The following VWF variants were observed in gnomAD, a reference collection of about 807,000 sequenced individuals.
VWF encodes Factor VIII related antigen.
VWF carries 176 observed loss-of-function variants against 308.6 expected under a neutral mutation model. That is an observed-to-expected ratio of 0.57 (90% confidence interval 0.50 to 0.65). The LOEUF (loss-of-function observed/expected upper bound fraction) is 0.65. Among genes scored for constraint, VWF ranks in the 30% least tolerant of loss-of-function variants. The probability of loss-of-function intolerance (pLI) is 0.00; values close to 1 mark genes in which losing one functional copy is unlikely to be tolerated. For synonymous variants in VWF, 1,385 were observed against 1,443.4 expected (o/e 0.96, Z 0.92); for missense variants, 3,146 against 3,648.2 (o/e 0.86, Z 3.55).
Position 5,990,908 on chromosome 12 carries a change from AT to A in VWF, c.6798+910del, listed in dbSNP as rs3062519. ...AAAAAAAAAAAAAAAAAAAAAAAAAATTTTGATGACTCAGTGACTCCCAAGC... is the reference window on the plus strand; with the variant it reads ...AAAAAAAAAAAAAAAAAAAAAAAAAATTTGATGACTCAGTGACTCCCAAGC... On this transcript the variant is annotated intron_variant, in intron 38 of 51. Coordinates refer to ENST00000261405, the MANE Select transcript of VWF (RefSeq NM_000552.5). Among the ~76,000 whole-genome samples the A allele has an allele frequency of 5.6e-4, 20 of 35,864 alleles. 2 individuals are homozygous for A. The highest frequency in any genetic ancestry group is 2.1e-3 in the African/African-American group (18 of 8,554). The allele number at this position is 35,864 out of a possible 152,430, so 23.5% of individuals were successfully genotyped here. A position where few individuals can be genotyped will look rare whatever the true frequency, so the allele number is the denominator to read the frequency against.
intron 22 of VWF, 103 bp downstream of exon 22, chr12:6,029,239 G>A (rs929813027): frequency 6.1e-6 from 9 of 1,479,444 alleles, no homozygotes; most frequent in East Asian, 4.5e-5. Flanking sequence ...CAACACAGGA[G>A]CACCTGGATT....
rs148995386 is a variant in VWF, at chr12:6,022,068, C to T, written c.3539-33G>A. The T allele has an allele frequency of 7.9e-3, 12,817 of 1,613,504 alleles. 834 individuals are homozygous for T. The African/African-American group carries it at 0.14, about 18-fold the overall frequency. ...AGAAAGCTCTCATTAGGAACCAAAA[C>T]GCTCCCCTTTCCCACGAGGAAGCCT... On this transcript the variant is annotated intron_variant, in intron 26 of 51. Coordinates refer to ENST00000261405, the MANE Select transcript of VWF (RefSeq NM_000552.5).
intron 18 of VWF, among the ~76,000 whole-genome samples, chr12:6,042,457 AGGC>A (rs1287931547): frequency 6.6e-6 from 1 of 152,222 alleles, no homozygotes; most frequent in East Asian, 1.9e-4. Context: ...CCCGTGCTGC[AGGC>A]GGCACGCTGC....
At position 6,016,931 on chromosome 12, in the gene VWF, C is replaced by G. The variant is rs11613273; in HGVS notation, c.5054-61G>C. Reference sequence around the variant, plus strand: ...CCAGCAGGGACAATGGCCACCAGGCCTACAACCTGACATCCAATAGGATCT... The same window carrying G: ...CCAGCAGGGACAATGGCCACCAGGCGTACAACCTGACATCCAATAGGATCT... On this transcript the variant is annotated intron_variant, in intron 28 of 51. Coordinates refer to ENST00000261405, the MANE Select transcript of VWF (RefSeq NM_000552.5). The G allele has an allele frequency of 7.7e-6, 12 of 1,550,498 alleles. No individual in the cohort carries two copies. In the Admixed American group the frequency reaches 1.8e-4, roughly 24 times the overall value.
chr12:6,095,721 T>A, intron 5 of VWF, 137 bp from the exon 6 acceptor site: 1 of 1,301,820 alleles, frequency 7.7e-7, no homozygotes, highest in Admixed American at 2.0e-5. Flanking sequence ...TGGCTATGTT[T>A]CCCAGGCTGG....
intron 44 of VWF, among the ~76,000 whole-genome samples, chr12:5,970,809 G>C (rs192276844): frequency 6.6e-6 from 1 of 152,320 alleles, no homozygotes; most frequent in East Asian, 1.9e-4. Context: ...GGCCCATATG[G>C]GCAGTTCACC....
intron 16 of VWF, among the ~76,000 whole-genome samples, chr12:6,050,514 C>T (rs1192726828): frequency 6.6e-6 from 1 of 152,186 alleles, no homozygotes; most frequent in Non-Finnish European, 1.5e-5. Flanking sequence ...CAGTGCTCAC[C>T]CCCTCACTTC....
chr12:6,022,925 G>A (rs1160473096), intron 25 of VWF, 27 bp from the exon 26 acceptor site: 1 of 401,898 alleles, frequency 2.5e-6, no homozygotes, highest in East Asian at 5.3e-5. Context: ...CAAGGCTGTG[G>A]CCACAACAGG....
intron 41 of VWF, among the ~76,000 whole-genome samples, chr12:5,982,410 G>A (rs1344756275): frequency 2.6e-5 from 4 of 152,122 alleles, no homozygotes; most frequent in Non-Finnish European, 2.9e-5. Flanking sequence ...TCAGTACCTA[G>A]AACAATACCC....
chr12:6,048,622 C>G (rs1285849654), intron 16 of VWF, among the ~76,000 whole-genome samples: 1 of 152,074 alleles, frequency 6.6e-6, no homozygotes, highest in South Asian at 2.1e-4. Context: ...ATCACCATGC[C>G]CAGCTAATTT....
At position 6,073,800 on chromosome 12, in the gene VWF, C is replaced by T. The variant is rs184668172; in HGVS notation, c.875-59G>A. 1,541 of 1,610,444 alleles carry T rather than the reference C, an allele frequency of 9.6e-4. 1 individual carries two copies. The highest frequency in any genetic ancestry group is 1.0e-3 in the Non-Finnish European group (1,227 of 1,179,044). On this transcript the variant is annotated intron_variant, in intron 7 of 51. Coordinates refer to ENST00000261405, the MANE Select transcript of VWF (RefSeq NM_000552.5). ...CAGGTCCCACCGGTGCATCATCTCA[C>T]CAGCCATGCCACAGCCTGAGCCTCT...
intron 6 of VWF, among the ~76,000 whole-genome samples, chr12:6,082,460 T>C (rs1944923603): frequency 1.3e-5 from 2 of 152,222 alleles, no homozygotes; most frequent in Non-Finnish European, 2.9e-5. Context: ...GGAGAACTGC[T>C]ATACAATCGT....
At chr12:6,093,471 A>G (rs1287141601) in intron 6 of VWF, among the ~76,000 whole-genome samples, 1 of 152,144 alleles carries the variant, frequency 6.6e-6, no homozygotes, top group Non-Finnish European at 1.5e-5. Context: ...AACTTCTCCC[A>G]CTGCCCAACT....
At chr12:6,113,695 CA>C (rs1945335327) in intron 3 of VWF, among the ~76,000 whole-genome samples, 1 of 152,214 alleles carries the variant, frequency 6.6e-6, no homozygotes, top group East Asian at 1.9e-4. Context: ...CTGTATGTTT[CA>C]AAATTTCCAT....
At chr12:6,120,593 G>A (rs1284613061) in intron 3 of VWF, among the ~76,000 whole-genome samples, 5 of 152,072 alleles carry the variant, frequency 3.3e-5, no homozygotes, top group Admixed American at 6.6e-5. Flanking sequence ...ATGAGCCACC[G>A]TGCCCGGCCT....
chr12:6,012,229 G>A, intron 32 of VWF, 99 bp from the exon 33 acceptor site: 1 of 1,281,690 alleles, frequency 7.8e-7, no homozygotes, highest in East Asian at 2.3e-5. Context: ...AGTTTTTGAA[G>A]TCAACTCAAC....
Position 5,949,217 on chromosome 12 carries a change from G to A in VWF, c.8254-14C>T. On this transcript the variant is annotated splice_polypyrimidine_tract_variant and intron_variant, in intron 51 of 51. Transcript: ENST00000261405. The stretch of plus-strand genomic sequence containing the variant: ...GGCACATTTGCCCTGCAAGAAAGCA[G>A]AGGAAGATGGGAGCTTCACAATGGT... 1 of 1,612,726 alleles carries A rather than the reference G, an allele frequency of 6.2e-7. No homozygotes were observed. Among genetic ancestry groups the A allele is most frequent in the Non-Finnish European group, 8.5e-7 (1 of 1,179,912 alleles).
At chr12:6,049,966 C>T (rs1944490614) in intron 16 of VWF, among the ~76,000 whole-genome samples, 1 of 152,184 alleles carries the variant, frequency 6.6e-6, no homozygotes, top group African/African-American at 2.4e-5. Flanking sequence ...CTTTTCTGCC[C>T]TCTGGCCCAC....
intron 3 of VWF, among the ~76,000 whole-genome samples, chr12:6,120,068 A>G (rs935708783): frequency 6.6e-5 from 10 of 152,312 alleles, no homozygotes; most frequent in Non-Finnish European, 7.3e-5. Context: ...CGGGGAGCTC[A>G]TAGCTATAGC....
Sources: gnomAD v4.1 joint callset for allele counts (sites outside exome capture counted in the v4.1 genomes callset) on GRCh38, gnomAD v4.1.1 for gene constraint, MANE v1.5 for transcripts, NCBI Gene and HGNC (gene_info 2026-07-23, HGNC 2026-07-21) for gene names.